GPAM: variants seen among roughly 807,000 people sequenced by gnomAD.
GPAM encodes glycerol-3-phosphate acyltransferase, mitochondrial.
In GPAM, 56 loss-of-function variants were observed where a neutral mutation model predicts 105.0. The observed-to-expected ratio is 0.53, with a 90% confidence interval of 0.43 to 0.67. The LOEUF (loss-of-function observed/expected upper bound fraction) is 0.67, where lower values mean the gene tolerates loss of function less well. GPAM is among the 30% of genes least tolerant of loss of function. The probability of loss-of-function intolerance (pLI) is 0.00; values close to 1 mark genes in which losing one functional copy is unlikely to be tolerated. For synonymous variants in GPAM, 368 were observed against 354.4 expected (o/e 1.04, Z -0.43); for missense variants, 855 against 989.8 (o/e 0.86, Z 1.83).
At position 112,150,763 on chromosome 10, in the gene GPAM, A is replaced by T. The variant is rs1846901666; in HGVS notation, c.*2787T>A. The T allele has an allele frequency of 1.0e-6, 1 of 985,320 alleles. No homozygotes were observed. Among genetic ancestry groups the T allele is most frequent in the South Asian group, 4.7e-5 (1 of 21,282 alleles). The allele number at this position is 985,320 out of a possible 1,614,324, so 61.0% of individuals were successfully genotyped here. A position where few individuals can be genotyped will look rare whatever the true frequency, so the allele number is the denominator to read the frequency against. ...GGTGCAAACTTGGTTTCCCAGCAAC[A>T]CCATTTCTATAAAACACTGATGAAC... On this transcript the variant is annotated 3_prime_UTR_variant, in exon 22 of 22. Coordinates refer to ENST00000348367, the MANE Select transcript of GPAM (RefSeq NM_001244949.2).
At chr10:112,190,637 T>C (rs1391679328) in intron 1 of GPAM, among the ~76,000 whole-genome samples, 1 of 152,134 alleles carries the variant, frequency 6.6e-6, no homozygotes, top group Non-Finnish European at 1.5e-5. Context: ...AAACAATCAA[T>C]AGACTCAGCT....
chr10:112,173,726 A>G lies in GPAM; in HGVS notation c.533T>C (p.Val178Ala). 6.2e-7 allele frequency: 1 copy of G among 1,613,904 alleles called. No homozygotes were observed. The highest frequency in any genetic ancestry group is 1.7e-5 in the Admixed American group (1 of 60,024). Residue 178 changes from valine (V) to alanine (A), a missense_variant, in exon 7 of 22, where the codon GTT (valine) becomes GCT (alanine). By Grantham distance (64) the Val-to-Ala change is moderately conservative (BLOSUM62 0). Transcript: ENST00000348367. ...KKAKRILQEMVATVSPAMIRL... is the reference protein window; with the variant it reads ...KKAKRILQEMAATVSPAMIRL... ...GATCATTGCCGGTGAGACAGTGGCA[A>G]CCATTTCTTGAAGAATCCTTTTAGC... is the stretch of plus-strand genomic sequence containing the variant.
At chr10:112,215,437 T>C (rs187720659), upstream of GPAM, 3 of 152,282 alleles carry the variant, frequency 2.0e-5, no homozygotes, top group Admixed American at 2.0e-4. Context: ...TAATAACCAG[T>C]CAGAGATAAG....
At chr10:112,224,825 G>A in the GPAM span, among the ~76,000 whole-genome samples, 2 of 152,200 alleles carry the variant, frequency 1.3e-5, no homozygotes, top group East Asian at 3.9e-4. Flanking sequence ...TTTGGAATCA[G>A]ATGACAGCCA....
chr10:112,222,556 T>C, the GPAM span, among the ~76,000 whole-genome samples: 1 of 152,150 alleles, frequency 6.6e-6, no homozygotes, highest in Non-Finnish European at 1.5e-5. Flanking sequence ...CTGAAATGAC[T>C]CAGAGCACCC....
chr10:112,221,952 A>C, the GPAM span, among the ~76,000 whole-genome samples: 4 of 152,256 alleles, frequency 2.6e-5, no homozygotes, highest in Admixed American at 2.6e-4. Context: ...AGTATTCTGG[A>C]TATATTTCAA....
At chr10:112,203,069 G>T (rs1053903490) in intron 1 of GPAM, among the ~76,000 whole-genome samples, 6 of 152,154 alleles carry the variant, frequency 3.9e-5, no homozygotes, top group Admixed American at 1.3e-4. Flanking sequence ...GTGTGAGCTG[G>T]AGTGTAGAGG....
chr10:112,201,145 T>A lies in GPAM; in HGVS notation n.210+14023A>T, dbSNP rs148413972. 5.7e-4 allele frequency among the ~76,000 whole-genome samples: 87 copies of A among 152,178 alleles called. 2 individuals carry two copies. The highest frequency in any genetic ancestry group is 5.6e-3 in the Admixed American group (85 of 15,268). ...AGGTAGTGACATTGGCCAGAAGATG[T>A]GTCTGCTGAATCAGGGGGCAGTGTG... On this transcript the variant is annotated intron_variant and non_coding_transcript_variant, in intron 1 of 3. Coordinates refer to the GPAM transcript ENST00000480130.
intron 1 of GPAM, among the ~76,000 whole-genome samples, chr10:112,210,461 C>T (rs565134383): frequency 6.6e-6 from 1 of 152,294 alleles, no homozygotes; most frequent in East Asian, 1.9e-4. Context: ...GGCTAAAACA[C>T]CAATGCCCTG....
chr10:112,165,421 C>T (rs1250145387), intron 12 of GPAM, among the ~76,000 whole-genome samples: 1 of 152,174 alleles, frequency 6.6e-6, no homozygotes, highest in East Asian at 1.9e-4. Flanking sequence ...AAGTGGCTCA[C>T]ACCTGTAATC....
rs374855995 is a variant in GPAM at position 112,192,650 on chromosome 10, T to G, written n.211-9759A>C. ...TGAACCAAGGCCAGTGTGGCTGGAG[T>G]GGGTAAGTGGGAAAATGGCAGAGGA... On this transcript the variant is annotated intron_variant and non_coding_transcript_variant, in intron 1 of 3. Transcript: ENST00000480130. Among the ~76,000 whole-genome samples the G allele has an allele frequency of 2.4e-3, 371 of 151,646 alleles. 1 individual carries two copies. The highest frequency in any genetic ancestry group is 8.5e-3 in the African/African-American group (353 of 41,322).
intron 1 of GPAM, among the ~76,000 whole-genome samples, chr10:112,199,002 A>T (rs545025207): frequency 2.6e-5 from 4 of 151,354 alleles, no homozygotes; most frequent in Admixed American, 2.0e-4. Context: ...GGCTCACTGC[A>T]TCCTCCGCCT....
the GPAM span, among the ~76,000 whole-genome samples, chr10:112,224,121 C>A: frequency 2.6e-5 from 4 of 152,076 alleles, no homozygotes; most frequent in Non-Finnish European, 5.9e-5. Context: ...ACATCCCACA[C>A]CCCCCAACTG....
At chr10:112,214,126 C>T (rs1453995265) in intron 1 of GPAM, among the ~76,000 whole-genome samples, 2 of 152,136 alleles carry the variant, frequency 1.3e-5, no homozygotes, top group Non-Finnish European at 2.9e-5. Context: ...GGGGGATCCA[C>T]AGACTCATCC....
At chr10:112,208,050 C>T (rs1443520593) in intron 1 of GPAM, among the ~76,000 whole-genome samples, 1 of 152,164 alleles carries the variant, frequency 6.6e-6, no homozygotes, top group Non-Finnish European at 1.5e-5. Flanking sequence ...ATCTGTCAAG[C>T]TTGTGAGGGA....
chr10:112,156,092 G>T, intron 19 of GPAM, 39 bp from the exon 20 acceptor site: 1 of 1,455,896 alleles, frequency 6.9e-7, no homozygotes, highest in Non-Finnish European at 9.6e-7. Context: ...CATGAGGAAG[G>T]GACAAGAGAC....
Position 112,164,538 on chromosome 10 carries a change from T to C in GPAM, c.1294A>G (p.Ile432Val), listed in dbSNP as rs772772596. Reference protein sequence around the residue: ...LSLEQALLPAILPSRPSDAAD... With the variant: ...LSLEQALLPAVLPSRPSDAAD... Reference sequence around the variant, plus strand: ...TACAAATTTTACCTTGAAGGAAGTATAGCTGGTAACAACGCTTGCTCCAGG... The same window carrying C: ...TACAAATTTTACCTTGAAGGAAGTACAGCTGGTAACAACGCTTGCTCCAGG... The change falls in exon 13 of 22, where the codon ATA becomes GTA. Residue 432 changes from isoleucine to valine, a missense_variant. Ile to Val is a conservative substitution (Grantham distance 29, BLOSUM62 3). Coordinates refer to ENST00000348367, the MANE Select transcript of GPAM (RefSeq NM_001244949.2). 1.9e-6 allele frequency: 3 copies of C among 1,572,588 alleles called. No homozygotes were observed. The highest frequency in any genetic ancestry group is 1.7e-5 in the Admixed American group (1 of 59,968).
intron 21 of GPAM, chr10:112,154,388 G>A: frequency 8.8e-6 from 5 of 571,274 alleles, no homozygotes; most frequent in Non-Finnish European, 1.6e-5. Flanking sequence ...ATAGCAGCTT[G>A]GGAATAAATG....
rs550966831 is a variant in GPAM, at chr10:112,183,677, C to A, written c.-128+16G>T. ...AGTAGCCTCCCGCAGCCCACACCTG[C>A]CCTGGCAGTTCGCACCCTAGCAGCT... On this transcript the variant is annotated intron_variant, in intron 1 of 21. Transcript: ENST00000348367. The A allele has an allele frequency of 3.3e-5, 5 of 152,878 alleles. No homozygotes were observed. Among genetic ancestry groups the A allele is most frequent in the Non-Finnish European group, 7.3e-5 (5 of 68,438 alleles). The allele number at this position is 152,878 out of a possible 1,614,324, so 9.5% of individuals were successfully genotyped here.
Sources: allele counts gnomAD v4.1 joint callset (sites outside exome capture counted in the v4.1 genomes callset), GRCh38; gene constraint gnomAD v4.1.1; transcripts MANE v1.5; gene names NCBI Gene and HGNC (gene_info 2026-07-23, HGNC 2026-07-21).